The following KIF5C variants were observed in gnomAD, a reference collection of about 807,000 sequenced individuals.
The protein encoded by KIF5C is kinesin heavy chain isoform 5C.
A neutral mutation model predicts 125.2 loss-of-function variants in KIF5C; 18 were observed. That is an observed-to-expected ratio of 0.14 (90% CI 0.10 to 0.21). KIF5C has a LOEUF of 0.21. Ranked by LOEUF, KIF5C falls within the 10% of genes least tolerant of loss-of-function variation. The pLI, the probability that KIF5C is intolerant of heterozygous loss-of-function variation, is 1.00. For synonymous variants in KIF5C, 405 were observed against 434.0 expected (o/e 0.93, Z 0.83); for missense variants, 780 against 1,183.8 (o/e 0.66, Z 5.01).
At position 148,922,205 on chromosome 2, in the gene KIF5C, A is replaced by G. The variant is rs1681816855; in HGVS notation, c.195A>G (p.Ala65=). The G allele has an allele frequency of 5.0e-6, 8 of 1,612,386 alleles. No individual in the cohort carries two copies. The highest frequency in any genetic ancestry group is 1.7e-5 in the Admixed American group (1 of 59,776). ...PNTTQEQVYN[A]CAKQIVKDVL... is the part of the protein sequence containing the mutation. Reference sequence around the variant, plus strand: ...CGACCCAAGAGCAGGTTTACAATGCATGTGCGAAGCAAATTGTCAAAGGTA... The same window carrying G: ...CGACCCAAGAGCAGGTTTACAATGCGTGTGCGAAGCAAATTGTCAAAGGTA... Residue 65 remains alanine, a synonymous_variant, in exon 2 of 26, where the codon GCA becomes GCG. Coordinates refer to ENST00000435030, the MANE Select transcript of KIF5C (RefSeq NM_004522.3).
chr2:148,885,137 C>T (rs1681480421), intron 1 of KIF5C, among the ~76,000 whole-genome samples: 1 of 152,122 alleles, frequency 6.6e-6, no homozygotes, highest in Non-Finnish European at 1.5e-5. Context: ...AGGCGCGTGC[C>T]ATCATGCTTG....
Position 148,989,150 on chromosome 2 carries a change from T to C in KIF5C, c.1717-1860T>C, listed in dbSNP as rs538573904. 3.3e-5 allele frequency among the ~76,000 whole-genome samples: 5 copies of C among 152,272 alleles called. No homozygotes were observed. The South Asian group carries it at 6.2e-4, about 19-fold the overall frequency. On this transcript the variant is annotated intron_variant, in intron 15 of 25. Coordinates refer to ENST00000435030, the MANE Select transcript of KIF5C (RefSeq NM_004522.3). Reference sequence around the variant, plus strand: ...TTTCTTCCAAGTCCCCAAAGTCCATTGTATCATTCGTATGCCTTTGTGTCC... The same window carrying C: ...TTTCTTCCAAGTCCCCAAAGTCCATCGTATCATTCGTATGCCTTTGTGTCC...
intron 3 of KIF5C, among the ~76,000 whole-genome samples, chr2:148,932,737 A>G (rs1260040103): frequency 6.6e-6 from 1 of 152,168 alleles, no homozygotes; most frequent in African/African-American, 2.4e-5. Context: ...TGAATGGTAC[A>G]GGCTTCCCAG....
chr2:149,003,613 T>C (rs1681919453), intron 21 of KIF5C, among the ~76,000 whole-genome samples: 1 of 152,154 alleles, frequency 6.6e-6, no homozygotes, highest in South Asian at 2.1e-4. Flanking sequence ...TGATAATGAA[T>C]GTGATGGAGG....
intron 25 of KIF5C, among the ~76,000 whole-genome samples, chr2:149,015,016 C>A (rs1332548631): frequency 6.6e-6 from 1 of 152,078 alleles, no homozygotes; most frequent in Non-Finnish European, 1.5e-5. Context: ...GGTGAAACAT[C>A]CTTCCCTACT....
chr2:149,023,316 T>C lies in KIF5C; in HGVS notation c.*246T>C, dbSNP rs1373553421. ...AGATCCACTTACTACTGAGAACCAT[T>C]ACCACCGACTCGGCCTCCGGGGTGT... On this transcript the variant is annotated 3_prime_UTR_variant, in exon 26 of 26. Coordinates refer to ENST00000435030, the MANE Select transcript of KIF5C (RefSeq NM_004522.3). 1 of 152,296 alleles carries C rather than the reference T, an allele frequency of 6.6e-6. No homozygotes were observed. Among genetic ancestry groups the C allele is most frequent in the Non-Finnish European group, 1.5e-5 (1 of 68,038 alleles). The allele number at this position is 152,296 out of a possible 1,614,324, so 9.4% of individuals were successfully genotyped here.
chr2:148,887,871 T>A lies in KIF5C; in HGVS notation c.126+12128T>A, dbSNP rs140951796. On this transcript the variant is annotated intron_variant, in intron 1 of 25. Coordinates refer to ENST00000435030, the MANE Select transcript of KIF5C (RefSeq NM_004522.3). ...ACTTTGCACTTCTCCGTAGCTGCTT[T>A]ACATGTTTGCGTTTTGAATGTTGTT... Among the ~76,000 whole-genome samples the A allele has an allele frequency of 7.9e-5, 12 of 152,246 alleles. No homozygotes were observed. The East Asian group carries it at 2.3e-3, about 29-fold the overall frequency.
intron 11 of KIF5C, among the ~76,000 whole-genome samples, chr2:148,970,747 A>G (rs1680877622): frequency 6.6e-6 from 1 of 152,196 alleles, no homozygotes; most frequent in Admixed American, 6.5e-5. Flanking sequence ...CTTGCTGCTA[A>G]GGTTATAGAA....
At chr2:148,928,801 T>C (rs1329669782) in intron 2 of KIF5C, among the ~76,000 whole-genome samples, 2 of 152,184 alleles carry the variant, frequency 1.3e-5, no homozygotes, top group Non-Finnish European at 2.9e-5. Context: ...AAGGAGCTCT[T>C]GTGGGGCTTT....
intron 24 of KIF5C, 103 bp downstream of exon 24, chr2:149,010,454 C>T: frequency 6.9e-7 from 1 of 1,449,358 alleles, no homozygotes; most frequent in Non-Finnish European, 9.1e-7. Context: ...TCTGGAACAT[C>T]TGAAAGGCTG....
intron 1 of KIF5C, among the ~76,000 whole-genome samples, chr2:148,881,042 AG>A (rs1233951154): frequency 6.6e-6 from 1 of 151,330 alleles, no homozygotes; most frequent in African/African-American, 2.4e-5. Context: ...CTTACCTCAC[AG>A]GGTCATTTGG....
rs541745895 is a variant in KIF5C, at chr2:148,922,074, T to C, written c.127-63T>C. On this transcript the variant is annotated intron_variant, in intron 1 of 25. Coordinates refer to ENST00000435030, the MANE Select transcript of KIF5C (RefSeq NM_004522.3). ...GCCTAGCTACTAATGTTTGCGATTT[T>C]TTATTCCTAAACATCTAATGTGTTT... is the stretch of plus-strand genomic sequence containing the variant. 2.4e-5 allele frequency: 28 copies of C among 1,182,744 alleles called. No homozygotes were observed. In the African/African-American group the frequency reaches 3.5e-4, roughly 15 times the overall value. The allele number at this position is 1,182,744 out of a possible 1,614,324, so 73.3% of individuals were successfully genotyped here.
chr2:148,954,000 A>G (rs1233012865), intron 10 of KIF5C, among the ~76,000 whole-genome samples: 1 of 152,134 alleles, frequency 6.6e-6, no homozygotes, highest in Admixed American at 6.5e-5. Flanking sequence ...CACCTACATT[A>G]GGTATTTCTC....
chr2:148,970,163 AAATACTGTTTTAATAAT>A (rs1680860067), intron 11 of KIF5C, among the ~76,000 whole-genome samples: 1 of 152,204 alleles, frequency 6.6e-6, no homozygotes, highest in African/African-American at 2.4e-5. Flanking sequence ...TGTAGGTTTC[AAATACTGTTTTAATAAT>A]AATAAAAATA....
intron 21 of KIF5C, among the ~76,000 whole-genome samples, chr2:149,003,399 C>T (rs1681914717): frequency 6.6e-6 from 1 of 152,204 alleles, no homozygotes. Flanking sequence ...CATCCCTGGC[C>T]CCGGGCAGCT....
chr2:149,009,226 G>A (rs892610109), intron 23 of KIF5C, among the ~76,000 whole-genome samples: 6 of 152,044 alleles, frequency 3.9e-5, no homozygotes, highest in Non-Finnish European at 8.8e-5. Context: ...CACTGACCTC[G>A]TGATCCGCCC....
chr2:148,975,391 C>G (rs1048274790), intron 12 of KIF5C, among the ~76,000 whole-genome samples: 4 of 152,196 alleles, frequency 2.6e-5, no homozygotes, highest in African/African-American at 9.7e-5. Context: ...CCTTCTTAGT[C>G]TACTGAAAGG....
chr2:148,942,531 G>T, intron 6 of KIF5C, 142 bp from the exon 7 acceptor site: 23 of 1,390,064 alleles, frequency 1.7e-5, no homozygotes, highest in Non-Finnish European at 2.2e-5. Flanking sequence ...CCCTGGGCAA[G>T]GAGGAAAAGT....
At chr2:148,942,449 A>G (rs2105104190) in intron 6 of KIF5C, among the ~76,000 whole-genome samples, 1 of 152,252 alleles carries the variant, frequency 6.6e-6, no homozygotes, top group East Asian at 1.9e-4. Context: ...GGAAAATTTG[A>G]CAGTTCTTTT....
Sources: allele counts gnomAD v4.1 joint callset (sites outside exome capture counted in the v4.1 genomes callset), GRCh38; gene constraint gnomAD v4.1.1; transcripts MANE v1.5; gene names NCBI Gene and HGNC (gene_info 2026-07-23, HGNC 2026-07-21).